The following MACROD2 variants were observed in gnomAD, a reference collection of about 807,000 sequenced individuals.
MACROD2 encodes ADP-ribose glycohydrolase MACROD2.
In MACROD2, 36 loss-of-function variants were observed where a neutral mutation model predicts 70.4. That is an observed-to-expected ratio of 0.51 (90% CI 0.39 to 0.68). The LOEUF is 0.68. Ranked by LOEUF, MACROD2 falls within the 30% of genes least tolerant of loss-of-function variation. MACROD2 has a pLI of 0.00. For synonymous variants in MACROD2, 172 were observed against 178.8 expected (o/e 0.96, Z 0.30); for missense variants, 496 against 538.4 (o/e 0.92, Z 0.78).
chr20:14,909,105 T>C (rs544696775), intron 5 of MACROD2, among the ~76,000 whole-genome samples: 1 of 152,044 alleles, frequency 6.6e-6, no homozygotes, highest in African/African-American at 2.4e-5. Flanking sequence ...GGGGATGAGA[T>C]CTTAGTGGTG....
chr20:14,805,360 G>A (rs16995011), intron 5 of MACROD2, among the ~76,000 whole-genome samples: 2 of 152,098 alleles, frequency 1.3e-5, no homozygotes, highest in African/African-American at 4.8e-5. Context: ...TGATTTGGCT[G>A]TTATCCTTTT....
At chr20:14,708,526 C>T (rs2071297893) in intron 5 of MACROD2, among the ~76,000 whole-genome samples, 1 of 152,200 alleles carries the variant, frequency 6.6e-6, no homozygotes, top group Admixed American at 6.5e-5. Flanking sequence ...AGGAGATTGA[C>T]TGTGAGAACA....
At chr20:14,718,663 G>C (rs2071426136) in intron 5 of MACROD2, among the ~76,000 whole-genome samples, 1 of 152,124 alleles carries the variant, frequency 6.6e-6, no homozygotes, top group African/African-American at 2.4e-5. Context: ...TAAATGATCA[G>C]AATCAGAGCA....
At chr20:15,843,214 A>T (rs908364408) in intron 8 of MACROD2, among the ~76,000 whole-genome samples, 1 of 152,204 alleles carries the variant, frequency 6.6e-6, no homozygotes, top group Non-Finnish European at 1.5e-5. Flanking sequence ...ATATGCATTT[A>T]TCATCACCAT....
At chr20:15,360,714 A>G (rs894230277) in intron 6 of MACROD2, among the ~76,000 whole-genome samples, 2 of 152,058 alleles carry the variant, frequency 1.3e-5, no homozygotes, top group African/African-American at 4.8e-5. Flanking sequence ...GTTTCTCTAC[A>G]TCCTTGCCAG....
At chr20:16,043,925 C>T (rs2067341582) in intron 16 of MACROD2, among the ~76,000 whole-genome samples, 1 of 152,068 alleles carries the variant, frequency 6.6e-6, no homozygotes, top group Admixed American at 6.6e-5. Flanking sequence ...TCCAAACTGT[C>T]AACCCAAAAA....
intron 8 of MACROD2, among the ~76,000 whole-genome samples, chr20:15,552,002 CA>C (rs570792907): frequency 1.8e-4 from 28 of 151,804 alleles, no homozygotes; most frequent in Non-Finnish European, 3.5e-4. Flanking sequence ...TATATGCATA[CA>C]TTTTTTTCTT....
At chr20:15,442,043 C>T (rs970406367) in intron 7 of MACROD2, among the ~76,000 whole-genome samples, 2 of 152,110 alleles carry the variant, frequency 1.3e-5, no homozygotes, top group African/African-American at 2.4e-5. Context: ...ATAATTTCTA[C>T]GTCCTTGCTT....
At chr20:14,333,142 G>A (rs1041223765) in intron 3 of MACROD2, among the ~76,000 whole-genome samples, 9 of 152,040 alleles carry the variant, frequency 5.9e-5, no homozygotes, top group African/African-American at 2.2e-4. Context: ...TTGCTGAGAG[G>A]CAGAGAAGCA....
chr20:15,504,079 A>G (rs1157824972), intron 8 of MACROD2, among the ~76,000 whole-genome samples: 1 of 152,170 alleles, frequency 6.6e-6, no homozygotes, highest in Admixed American at 6.5e-5. Flanking sequence ...TTCTTTCCCA[A>G]CACAGTAGTT....
intron 3 of MACROD2, among the ~76,000 whole-genome samples, chr20:14,295,220 G>A (rs62207588): frequency 0.018 from 2,659 of 151,930 alleles, 99 homozygotes; most frequent in African/African-American, 0.05. Flanking sequence ...TACTCTTGGG[G>A]AAGTTAGGAA....
chr20:15,652,758 T>C (rs2049664928), intron 8 of MACROD2, among the ~76,000 whole-genome samples: 2 of 152,092 alleles, frequency 1.3e-5, no homozygotes, highest in African/African-American at 4.8e-5. Context: ...CTTGAGTAAT[T>C]CATCTACTCC....
chr20:15,324,277 A>G (rs954867298), intron 6 of MACROD2, among the ~76,000 whole-genome samples: 1 of 152,092 alleles, frequency 6.6e-6, no homozygotes, highest in African/African-American at 2.4e-5. Context: ...CTATAGCCAA[A>G]GATTTAGGTA....
intron 6 of MACROD2, among the ~76,000 whole-genome samples, chr20:15,289,087 G>A (rs2077518699): frequency 1.3e-5 from 2 of 152,242 alleles, no homozygotes; most frequent in Admixed American, 1.3e-4. Flanking sequence ...CTGAGCCTGT[G>A]CCTGCCCGCC....
intron 15 of MACROD2, among the ~76,000 whole-genome samples, chr20:16,040,297 CT>C (rs2067290942): frequency 6.6e-6 from 1 of 151,820 alleles, no homozygotes; most frequent in Non-Finnish European, 1.5e-5. Context: ...CCTGTCCTTG[CT>C]TTTTTCTCAT....
At chr20:14,322,175 A>AATATATATATATATATAT (rs374464781) in intron 3 of MACROD2, among the ~76,000 whole-genome samples, 947 of 66,142 alleles carry the variant, frequency 0.014, 81 homozygotes, top group East Asian at 0.021. Flanking sequence ...ATTCTATTGA[A>AATATATATATATATATAT]ATATATATAT....
intron 6 of MACROD2, among the ~76,000 whole-genome samples, chr20:15,385,077 C>A (rs2146284267): frequency 6.6e-6 from 1 of 152,256 alleles, no homozygotes; most frequent in Admixed American, 6.5e-5. Context: ...TCAATGGTGT[C>A]TTGAGAGTCG....
At chr20:14,841,369 T>A (rs571583826) in intron 5 of MACROD2, among the ~76,000 whole-genome samples, 3 of 152,294 alleles carry the variant, frequency 2.0e-5, no homozygotes, top group Admixed American at 2.0e-4. Flanking sequence ...ATAGAAACTT[T>A]CCACTGAGGT....
At chr20:14,230,669 CTATATA>C (rs71190120) in intron 3 of MACROD2, among the ~76,000 whole-genome samples, 48,860 of 92,988 alleles carry the variant, frequency 0.53, 15,495 homozygotes, top group Non-Finnish European at 0.61. Context: ...CAGGCTGGGC[CTATATA>C]TATATATATA....
Sources: allele counts gnomAD v4.1 joint callset (sites outside exome capture counted in the v4.1 genomes callset), GRCh38; gene constraint gnomAD v4.1.1; transcripts MANE v1.5; gene names NCBI Gene and HGNC (gene_info 2026-07-23, HGNC 2026-07-21).